The following AGAP1 variants were observed in gnomAD, a reference collection of about 807,000 sequenced individuals.
AGAP1 encodes the protein ArfGAP with GTPase domain, ankyrin repeat and PH domain 1.
Under a neutral mutation model 105.3 loss-of-function variants are expected in AGAP1, and 29 were observed. The observed-to-expected ratio is 0.28, with a 90% CI of 0.21 to 0.38. AGAP1 has a LOEUF of 0.38. Ranked by LOEUF, AGAP1 falls within the 10% of genes least tolerant of loss-of-function variation. AGAP1 has a pLI of 1.00. For synonymous variants in AGAP1, 509 were observed against 485.9 expected (o/e 1.05, Z -0.63); for missense variants, 998 against 1,165.1 (o/e 0.86, Z 2.09).
chr2:235,678,084 C>G (rs564236831), intron 1 of AGAP1, among the ~76,000 whole-genome samples: 1 of 151,754 alleles, frequency 6.6e-6, no homozygotes. Flanking sequence ...CTTATGGTGC[C>G]GGTGAGCCTG....
chr2:236,124,359 C>G lies in AGAP1; in HGVS notation c.*237C>G. 1 of 584,334 alleles carries G rather than the reference C, an allele frequency of 1.7e-6. No homozygotes were observed. The highest frequency in any genetic ancestry group is 1.9e-5 in the African/African-American group (1 of 53,466). The allele number at this position is 584,334 out of a possible 1,614,324, so 36.2% of individuals were successfully genotyped here. A position where few individuals can be genotyped will look rare whatever the true frequency, so the allele number is the denominator to read the frequency against. On this transcript the variant is annotated 3_prime_UTR_variant, in exon 18 of 18. Coordinates refer to ENST00000304032, the MANE Select transcript of AGAP1 (RefSeq NM_001037131.3). The surrounding 1 kb of genome is among the most constrained non-coding windows in gnomAD (Gnocchi z 5.1). ...GCTCCTTTTCATAAACTCCCCTAAA[C>G]CACACACAGGAGAGAGCGACGGGCC...
rs759995769 is a variant in AGAP1 at position 235,994,130 on chromosome 2, C to T, written c.1645+25507C>T. Among the ~76,000 whole-genome samples the T allele has an allele frequency of 7.9e-5, 12 of 152,180 alleles. No individual in the cohort carries two copies. The highest frequency in any genetic ancestry group is 1.8e-4 in the Non-Finnish European group (12 of 68,038). On this transcript the variant is annotated intron_variant, in intron 13 of 17. Transcript: ENST00000304032. The surrounding 1 kb of genome is among the most constrained non-coding windows in gnomAD (Gnocchi z 4.4). ...GAATATCATGCCCAGGTTAGGCACTCTTTCTGTATTCCCCAAAGCTTCATA... is the reference window on the plus strand; with the variant it reads ...GAATATCATGCCCAGGTTAGGCACTTTTTCTGTATTCCCCAAAGCTTCATA...
intron 16 of AGAP1, among the ~76,000 whole-genome samples, chr2:236,098,574 ATAAAT>A: frequency 1.3e-5 from 2 of 150,806 alleles, no homozygotes; most frequent in East Asian, 2.0e-4. Context: ...TATAGCAAAA[ATAAAT>A]TAAATTAAAA....
At chr2:235,775,398 C>T (rs562265598) in intron 6 of AGAP1, among the ~76,000 whole-genome samples, 2 of 152,290 alleles carry the variant, frequency 1.3e-5, no homozygotes, top group African/African-American at 4.8e-5. Context: ...AAAAGCTGTC[C>T]TCTTAAATCA....
chr2:235,645,710 G>C (rs1378640452), intron 1 of AGAP1, among the ~76,000 whole-genome samples: 1 of 152,172 alleles, frequency 6.6e-6, no homozygotes, highest in Admixed American at 6.5e-5. Flanking sequence ...GGGGAGACAA[G>C]GTCGGCCTGA....
Position 236,042,799 on chromosome 2 carries a change from G to A in AGAP1, c.1891+1958G>A, listed in dbSNP as rs2057592904. 6.6e-6 allele frequency among the ~76,000 whole-genome samples: 1 copy of A among 152,160 alleles called. No individual in the cohort carries two copies. ...CCTGAGCAGATGGACAGGGACAAAG[G>A]GAAAAGGCAGAGTTTGACAATTCAG... On this transcript the variant is annotated intron_variant, in intron 15 of 17. Transcript: ENST00000304032. This position sits in a 1 kb window ranked among gnomAD's most constrained non-coding sequence, Gnocchi z 5.6.
intron 1 of AGAP1, among the ~76,000 whole-genome samples, chr2:235,518,160 C>T (rs953998694): frequency 6.6e-6 from 1 of 152,126 alleles, no homozygotes; most frequent in Non-Finnish European, 1.5e-5. Flanking sequence ...TGCCCGAAGA[C>T]GACTGTTCTG....
chr2:235,760,065 C>T (rs928166039), intron 6 of AGAP1, among the ~76,000 whole-genome samples: 1 of 152,158 alleles, frequency 6.6e-6, no homozygotes, highest in African/African-American at 2.4e-5. Context: ...AAAAATCTTC[C>T]ATATTCACTC....
intron 6 of AGAP1, among the ~76,000 whole-genome samples, chr2:235,791,061 C>T (rs892501161): frequency 4.6e-5 from 7 of 152,306 alleles, no homozygotes; most frequent in East Asian, 1.9e-4. Flanking sequence ...TTTTCTTTAT[C>T]GCTGAAAACA....
chr2:235,834,158 G>C lies in AGAP1; in HGVS notation c.1050+26827G>C, dbSNP rs111374280. On this transcript the variant is annotated intron_variant, in intron 9 of 17. Transcript: ENST00000304032. The stretch of plus-strand genomic sequence containing the variant: ...GGTTAGTTCTCAGCGTGATCACCGT[G>C]GTCAGATGGGCGCCCCATGTGGTGC... Among the ~76,000 whole-genome samples the C allele has an allele frequency of 6.8e-3, 1,034 of 152,252 alleles. 7 individuals carry two copies. Among genetic ancestry groups the C allele is most frequent in the Non-Finnish European group, 0.011 (717 of 68,016 alleles).
intron 16 of AGAP1, among the ~76,000 whole-genome samples, chr2:236,088,691 C>T (rs989590862): frequency 6.6e-6 from 1 of 152,164 alleles, no homozygotes; most frequent in Admixed American, 6.5e-5. Flanking sequence ...AAACTAAGTC[C>T]AGAGCGGTCT....
rs2054737175 is a variant in AGAP1, at chr2:235,973,472, G to T, written c.1645+4849G>T. 6.6e-6 allele frequency among the ~76,000 whole-genome samples: 1 copy of T among 152,200 alleles called. No individual in the cohort carries two copies. The stretch of plus-strand genomic sequence containing the variant: ...GGCTGCTGTGCTGCGTGGTCATTGA[G>T]ACCAATGGAAGGAAATTGAGATGTG... On this transcript the variant is annotated intron_variant, in intron 13 of 17. Coordinates refer to ENST00000304032, the MANE Select transcript of AGAP1 (RefSeq NM_001037131.3). The surrounding 1 kb of genome is among the most constrained non-coding windows in gnomAD (Gnocchi z 4.7).
chr2:235,770,403 G>C (rs1032669550), intron 6 of AGAP1, among the ~76,000 whole-genome samples: 7 of 151,996 alleles, frequency 4.6e-5, no homozygotes, highest in African/African-American at 1.7e-4. Context: ...CCAAAGTGCT[G>C]GGATTACAGG....
At chr2:235,948,479 G>A (rs941796845) in intron 12 of AGAP1, among the ~76,000 whole-genome samples, 9 of 152,182 alleles carry the variant, frequency 5.9e-5, no homozygotes, top group African/African-American at 1.2e-4. Context: ...GAGCCACTGC[G>A]CCTGGCCTAA....
chr2:235,602,590 C>G (rs572983102), intron 1 of AGAP1, among the ~76,000 whole-genome samples: 59 of 152,252 alleles, frequency 3.9e-4, no homozygotes, highest in Non-Finnish European at 7.5e-4. Context: ...TTCCTTCAAG[C>G]CTTTGCTCAG....
At chr2:235,817,349 A>C (rs78659719) in intron 9 of AGAP1, among the ~76,000 whole-genome samples, 1,665 of 152,118 alleles carry the variant, frequency 0.011, 35 homozygotes, top group African/African-American at 0.035. Flanking sequence ...GTGGCGGCTT[A>C]ATAAGTCTTC....
intron 1 of AGAP1, among the ~76,000 whole-genome samples, chr2:235,636,032 G>C (rs1158747795): frequency 6.6e-6 from 1 of 152,058 alleles, no homozygotes; most frequent in Non-Finnish European, 1.5e-5. Context: ...AGAATAGCTT[G>C]AACCCGGAAG....
intron 6 of AGAP1, among the ~76,000 whole-genome samples, chr2:235,794,523 G>A (rs932624916): frequency 2.0e-5 from 3 of 152,102 alleles, no homozygotes; most frequent in Non-Finnish European, 2.9e-5. Flanking sequence ...CCAGGCTGGA[G>A]TGCAGTGGCA....
chr2:235,870,043 A>T (rs755724400), intron 9 of AGAP1, among the ~76,000 whole-genome samples: 1 of 152,212 alleles, frequency 6.6e-6, no homozygotes, highest in Non-Finnish European at 1.5e-5. Flanking sequence ...CACACAGGAT[A>T]TGAGCACCAC....
Sources: gnomAD v4.1 joint callset for allele counts (sites outside exome capture counted in the v4.1 genomes callset) on GRCh38, gnomAD v4.1.1 for gene constraint, Gnocchi (gnomAD v3.1) non-coding constraint, MANE v1.5 for transcripts, NCBI Gene and HGNC (gene_info 2026-07-23, HGNC 2026-07-21) for gene names.